KCNQ1: variants seen among roughly 807,000 people sequenced by gnomAD.
The protein encoded by KCNQ1 is potassium voltage-gated channel subfamily KQT member 1.
Under a neutral mutation model 72.4 loss-of-function variants are expected in KCNQ1, and 49 were observed. That is an observed-to-expected ratio of 0.68 (90% CI 0.54 to 0.86). The LOEUF (loss-of-function observed/expected upper bound fraction) is 0.86, where lower values mean the gene tolerates loss of function less well. KCNQ1 is among the 40% of genes least tolerant of loss of function. The pLI is 0.00. For missense variants in KCNQ1, 790 were observed against 945.1 expected (o/e 0.84, Z 2.15); for synonymous variants, 450 against 412.6 (o/e 1.09, Z -1.10).
rs563458347 is a variant in KCNQ1, at chr11:2,546,717, A to G, written c.477+18699A>G. On this transcript the variant is annotated intron_variant, in intron 2 of 15. Transcript: ENST00000155840. Reference sequence around the variant, plus strand: ...GGATACACAATAGTTGTACATATTTATGGAGTACATATGATATTTCAATAC... The same window carrying G: ...GGATACACAATAGTTGTACATATTTGTGGAGTACATATGATATTTCAATAC... Among the ~76,000 whole-genome samples the G allele has an allele frequency of 1.3e-3, 193 of 152,172 alleles. 1 individual carries two copies. Among genetic ancestry groups the G allele is most frequent in the Non-Finnish European group, 2.2e-3 (152 of 67,998 alleles).
chr11:2,556,593 T>G (rs773113860), intron 2 of KCNQ1, among the ~76,000 whole-genome samples: 43 of 152,322 alleles, frequency 2.8e-4, no homozygotes, highest in Non-Finnish European at 5.4e-4. Context: ...AAATATTTAC[T>G]ATCTGGCTTT....
At chr11:2,633,771 G>A in intron 10 of KCNQ1, 1 of 398,364 alleles carries the variant, frequency 2.5e-6, no homozygotes, top group Non-Finnish European at 4.4e-6. Flanking sequence ...CCATTGTTTT[G>A]TATACAAGGG....
intron 1 of KCNQ1, among the ~76,000 whole-genome samples, chr11:2,489,062 C>T (rs950902817): frequency 6.6e-6 from 1 of 152,136 alleles, no homozygotes; most frequent in African/African-American, 2.4e-5. Context: ...ACTATCTACA[C>T]AAAAAAGCAC....
In KCNQ1 at chr11:2,674,121, T is replaced by C. The variant is rs947725219; in HGVS notation, c.1514+12040T>C. 6.3e-5 allele frequency: 25 copies of C among 398,490 alleles called. No homozygotes were observed. The highest frequency in any genetic ancestry group is 1.1e-4 in the Non-Finnish European group (24 of 226,144). 24.7% of individuals were successfully genotyped at this position (398,490 alleles called of 1,614,324 possible). ...TGGGGAGGGAGGTGTGGAAGCTGGT[T>C]TGCCGGGGCCACCCAGTGTGGGCTC... On this transcript the variant is annotated intron_variant, in intron 11 of 15. Transcript: ENST00000155840. This position sits in a 1 kb window ranked among gnomAD's most constrained non-coding sequence, Gnocchi z 5.9.
Position 2,613,425 on chromosome 11 carries a change from G to A in KCNQ1, c.1393+24571G>A, listed in dbSNP as rs774110566. The A allele has an allele frequency of 1.0e-5, 4 of 398,560 alleles. No homozygotes were observed. Among genetic ancestry groups the A allele is most frequent in the Non-Finnish European group, 1.3e-5 (3 of 226,062 alleles). 24.7% of individuals were successfully genotyped at this position (398,560 alleles called of 1,614,324 possible). ...ACTGAAATCCTTGTTGCTTAACATA[G>A]TGCATAGGGTTTTCTATGGAATTCA... On this transcript the variant is annotated intron_variant, in intron 10 of 15. Coordinates refer to ENST00000155840, the MANE Select transcript of KCNQ1 (RefSeq NM_000218.3). This position sits in a 1 kb window ranked among gnomAD's most constrained non-coding sequence, Gnocchi z 4.8.
intron 15 of KCNQ1, among the ~76,000 whole-genome samples, chr11:2,814,812 A>G (rs1847581922): frequency 6.6e-6 from 1 of 152,180 alleles, no homozygotes; most frequent in Non-Finnish European, 1.5e-5. Flanking sequence ...CCTGCTGGGC[A>G]GACCAGTCTG....
Position 2,537,738 on chromosome 11 carries a change from A to G in KCNQ1, c.477+9720A>G, listed in dbSNP as rs2133670770. 1.3e-5 allele frequency among the ~76,000 whole-genome samples: 2 copies of G among 150,522 alleles called. No individual in the cohort carries two copies. The highest frequency in any genetic ancestry group is 4.2e-4 in the South Asian group (2 of 4,810). ...TTTTTTATTTTTATTTTTTTGAGAGAGAGAGGGTCTTGCTGTGTTGCCCAG... is the reference window on the plus strand; with the variant it reads ...TTTTTTATTTTTATTTTTTTGAGAGGGAGAGGGTCTTGCTGTGTTGCCCAG... On this transcript the variant is annotated intron_variant, in intron 2 of 15. Coordinates refer to ENST00000155840, the MANE Select transcript of KCNQ1 (RefSeq NM_000218.3). This position sits in a 1 kb window ranked among gnomAD's most constrained non-coding sequence, Gnocchi z 5.2.
intron 11 of KCNQ1, chr11:2,700,051 C>G: frequency 2.5e-6 from 1 of 398,164 alleles, no homozygotes. Context: ...GTGGCGACCG[C>G]CCCCCACCTG....
rs1850250261 is a variant in KCNQ1 at position 2,674,393 on chromosome 11, G to A, written c.1514+12312G>A. On this transcript the variant is annotated intron_variant, in intron 11 of 15. Coordinates refer to ENST00000155840, the MANE Select transcript of KCNQ1 (RefSeq NM_000218.3). This position sits in a 1 kb window ranked among gnomAD's most constrained non-coding sequence, Gnocchi z 5.9. ...CTTCCTGCTTAGGGAAGGTGCATGC[G>A]TGCGTGTGTGTGTGCGCGCCCGCGC... 2 of 398,488 alleles carry A rather than the reference G, an allele frequency of 5.0e-6. No individual in the cohort carries two copies. The highest frequency in any genetic ancestry group is 4.4e-5 in the Admixed American group (1 of 22,722). The allele number at this position is 398,488 out of a possible 1,614,324, so 24.7% of individuals were successfully genotyped here. A position where few individuals can be genotyped will look rare whatever the true frequency, so the allele number is the denominator to read the frequency against.
At chr11:2,648,549 T>C (rs1303012368) in intron 10 of KCNQ1, 6 of 398,398 alleles carry the variant, frequency 1.5e-5, no homozygotes, top group African/African-American at 4.1e-5. Flanking sequence ...TTCAGGAACA[T>C]GTAGTTTGAT....
At chr11:2,460,186 G>C (rs138693577) in intron 1 of KCNQ1, among the ~76,000 whole-genome samples, 3 of 152,212 alleles carry the variant, frequency 2.0e-5, no homozygotes, top group African/African-American at 7.2e-5. Context: ...TGGCCCAGCT[G>C]GGGGCAGGAC....
In KCNQ1 at chr11:2,826,446, G is replaced by A. The variant is rs1298726811; in HGVS notation, c.1795-21321G>A. On this transcript the variant is annotated intron_variant, in intron 15 of 15. Transcript: ENST00000155840. This position sits in a 1 kb window ranked among gnomAD's most constrained non-coding sequence, Gnocchi z 4.2. ...GCAGCGCTGATGGAAACCGCCGTGC[G>A]GTTCCGCGCAGACAGTCACGGAAAC... 2.6e-5 allele frequency among the ~76,000 whole-genome samples: 4 copies of A among 152,250 alleles called. No homozygotes were observed. Among genetic ancestry groups the A allele is most frequent in the African/African-American group, 4.8e-5 (2 of 41,478 alleles).
At chr11:2,459,615 T>G (rs12574110) in intron 1 of KCNQ1, among the ~76,000 whole-genome samples, 39,868 of 151,744 alleles carry the variant, frequency 0.26, 5,947 homozygotes, top group African/African-American at 0.39. Context: ...CAAGTCAGCT[T>G]GTTGTTCCGT....
chr11:2,829,674 T>A (rs1847903107), intron 15 of KCNQ1, among the ~76,000 whole-genome samples: 1 of 151,680 alleles, frequency 6.6e-6, no homozygotes, highest in African/African-American at 2.4e-5. Context: ...TGTTAGGCAG[T>A]CACTAGATAA....
intron 10 of KCNQ1, chr11:2,655,127 C>T (rs1280360164): frequency 1.0e-5 from 4 of 398,482 alleles, no homozygotes; most frequent in Non-Finnish European, 1.8e-5. Flanking sequence ...AGCAGGACCA[C>T]TGACTAGAAA....
At chr11:2,523,747 T>C (rs911052166) in intron 1 of KCNQ1, among the ~76,000 whole-genome samples, 1 of 128,692 alleles carries the variant, frequency 7.8e-6, no homozygotes, top group African/African-American at 2.9e-5. Context: ...GGAGGAAGTT[T>C]ACAGTTTTTT....
Position 2,612,601 on chromosome 11 carries a change from A to G in KCNQ1, c.1393+23747A>G, listed in dbSNP as rs568253928. 1.6e-4 allele frequency: 62 copies of G among 398,402 alleles called. No individual in the cohort carries two copies. Among genetic ancestry groups the G allele is most frequent in the Middle Eastern group, 6.2e-4 (1 of 1,610 alleles). 24.7% of individuals were successfully genotyped at this position (398,402 alleles called of 1,614,324 possible). On this transcript the variant is annotated intron_variant, in intron 10 of 15. Transcript: ENST00000155840. This position sits in a 1 kb window ranked among gnomAD's most constrained non-coding sequence, Gnocchi z 5.5. ...AATTTCTATTTGGTTTCTAATTTCT[A>G]TCTCTATATTGATATTATCTATTTG... is the stretch of plus-strand genomic sequence containing the variant.
chr11:2,659,598 T>G lies in KCNQ1; in HGVS notation c.1394-2363T>G. 2.5e-6 allele frequency: 1 copy of G among 398,526 alleles called. No homozygotes were observed. The allele number at this position is 398,526 out of a possible 1,614,324, so 24.7% of individuals were successfully genotyped here. A position where few individuals can be genotyped will look rare whatever the true frequency, so the allele number is the denominator to read the frequency against. ...TACAGGTTTTTGCGAACATAAAAATTCAATTCACTTGGGTGGGAAAGGAAC... is the reference window on the plus strand; with the variant it reads ...TACAGGTTTTTGCGAACATAAAAATGCAATTCACTTGGGTGGGAAAGGAAC... On this transcript the variant is annotated intron_variant, in intron 10 of 15. Transcript: ENST00000155840. This position sits in a 1 kb window ranked among gnomAD's most constrained non-coding sequence, Gnocchi z 4.3.
chr11:2,663,881 G>T lies in KCNQ1; in HGVS notation c.1514+1800G>T. 1 of 398,696 alleles carries T rather than the reference G, an allele frequency of 2.5e-6. No homozygotes were observed. The highest frequency in any genetic ancestry group is 1.3e-4 in the South Asian group (1 of 7,830). 24.7% of individuals were successfully genotyped at this position (398,696 alleles called of 1,614,324 possible). On this transcript the variant is annotated intron_variant, in intron 11 of 15. Coordinates refer to ENST00000155840, the MANE Select transcript of KCNQ1 (RefSeq NM_000218.3). This position sits in a 1 kb window ranked among gnomAD's most constrained non-coding sequence, Gnocchi z 5.2. Reference sequence around the variant, plus strand: ...AGAGGTTACCCACCTGCCCAAGGGTGACCCCAAGCCAGTGTGGCTGTGTCA... The same window carrying T: ...AGAGGTTACCCACCTGCCCAAGGGTTACCCCAAGCCAGTGTGGCTGTGTCA...
Sources: gnomAD v4.1 joint callset for allele counts (sites outside exome capture counted in the v4.1 genomes callset) on GRCh38, gnomAD v4.1.1 for gene constraint, Gnocchi (gnomAD v3.1) non-coding constraint, MANE v1.5 for transcripts, NCBI Gene and HGNC (gene_info 2026-07-23, HGNC 2026-07-21) for gene names.